CLSTN1: variants seen among roughly 807,000 people sequenced by gnomAD.
The protein encoded by CLSTN1 is calsyntenin-1.
Under a neutral mutation model 108.3 loss-of-function variants are expected in CLSTN1, and 28 were observed. That is an observed-to-expected ratio of 0.26 (90% CI 0.19 to 0.35). The LOEUF (loss-of-function observed/expected upper bound fraction) is 0.35, where lower values mean the gene tolerates loss of function less well. CLSTN1 is among the 10% of genes least tolerant of loss of function. CLSTN1 has a pLI of 1.00. For missense variants in CLSTN1, 1,157 were observed against 1,302.6 expected, an observed-to-expected ratio of 0.89 and a Z score of 1.72; for synonymous variants, 524 against 534.9, an observed-to-expected ratio of 0.98 and a Z score of 0.28.
At chr1:9,777,580 A>G (rs1653017735) in intron 1 of CLSTN1, among the ~76,000 whole-genome samples, 1 of 152,232 alleles carries the variant, frequency 6.6e-6, no homozygotes. Flanking sequence ...TCATTTAAAA[A>G]ACAAACACAT....
chr1:9,795,033 AG>A (rs1557718433), intron 1 of CLSTN1, among the ~76,000 whole-genome samples: 3 of 150,196 alleles, frequency 2.0e-5, no homozygotes, highest in Non-Finnish European at 2.9e-5. Flanking sequence ...AAAAAAAAAA[AG>A]AAAAAAAATC....
chr1:9,734,986 T>C lies in CLSTN1; in HGVS notation c.2072A>G (p.Glu691Gly). ...ELRIISTITR[E>G]VEPEGDGAED... is the part of the protein sequence containing the mutation. Reference sequence around the variant, plus strand: ...AGCCCCGTCCCCTTCAGGCTCCACTTCTCTCGTGATGGTGCTGATGATGCG... The same window carrying C: ...AGCCCCGTCCCCTTCAGGCTCCACTCCTCTCGTGATGGTGCTGATGATGCG... The change falls in exon 14 of 19, where the codon GAA (glutamate) becomes GGA (glycine). Residue 691 changes from glutamate (E) to glycine (G), a missense_variant. Physicochemically the swap from Glu to Gly is moderately conservative, Grantham distance 98. Transcript: ENST00000377298. This position sits in a 1 kb window ranked among gnomAD's most constrained non-coding sequence, Gnocchi z 4.8. The C allele has an allele frequency of 6.2e-7, 1 of 1,614,126 alleles. No homozygotes were observed. The highest frequency in any genetic ancestry group is 8.5e-7 in the Non-Finnish European group (1 of 1,180,016).
At chr1:9,747,654 G>A (rs1651345123) in intron 7 of CLSTN1, among the ~76,000 whole-genome samples, 1 of 151,812 alleles carries the variant, frequency 6.6e-6, no homozygotes, top group South Asian at 2.1e-4. Context: ...CTCGCACCAC[G>A]CCTGGCTAAT....
intron 1 of CLSTN1, among the ~76,000 whole-genome samples, chr1:9,797,807 T>C (rs1161816939): frequency 6.6e-6 from 1 of 151,918 alleles, no homozygotes; most frequent in African/African-American, 2.4e-5. Flanking sequence ...TGTTAAAATA[T>C]TGCAGCTACT....
chr1:9,730,440 T>G lies in CLSTN1; in HGVS notation c.*68A>C. ...AAATGACTTTGTACATCGTGGACCC[T>G]TGGGACTGGGAGAACGGATGGCAGC... is the stretch of plus-strand genomic sequence containing the variant. On this transcript the variant is annotated 3_prime_UTR_variant, in exon 19 of 19. Transcript: ENST00000377298. The surrounding 1 kb of genome is among the most constrained non-coding windows in gnomAD (Gnocchi z 5.6). The G allele has an allele frequency of 2.1e-6, 3 of 1,458,142 alleles. No homozygotes were observed. In the South Asian group the frequency reaches 3.4e-5, roughly 17 times the overall value. The allele number at this position is 1,458,142 out of a possible 1,614,324, so 90.3% of individuals were successfully genotyped here.
intron 2 of CLSTN1, among the ~76,000 whole-genome samples, chr1:9,758,240 G>A (rs1322895813): frequency 2.6e-5 from 4 of 152,136 alleles, no homozygotes; most frequent in African/African-American, 9.7e-5. Flanking sequence ...TGATCCGCCC[G>A]CCTCGGCCTC....
chr1:9,774,278 T>C (rs756399284), intron 1 of CLSTN1, among the ~76,000 whole-genome samples: 4 of 152,154 alleles, frequency 2.6e-5, no homozygotes, highest in South Asian at 2.1e-4. Context: ...TGTTTAAGAA[T>C]AATCCATCCG....
At chr1:9,736,319 C>G (rs754160805) in intron 11 of CLSTN1, among the ~76,000 whole-genome samples, 1 of 152,142 alleles carries the variant, frequency 6.6e-6, no homozygotes, top group South Asian at 2.1e-4. Flanking sequence ...CTGGCCACTA[C>G]CTGGTAAGGT....
chr1:9,785,499 A>C (rs1392083384), intron 1 of CLSTN1, among the ~76,000 whole-genome samples: 6 of 152,076 alleles, frequency 3.9e-5, no homozygotes, highest in Non-Finnish European at 8.8e-5. Context: ...ACAGCTGGAC[A>C]CTCTGGGCCA....
chr1:9,751,806 T>C, intron 4 of CLSTN1, 125 bp from the exon 5 acceptor site: 1 of 742,396 alleles, frequency 1.3e-6, no homozygotes, highest in Non-Finnish European at 2.2e-6. Context: ...TGATACCTTG[T>C]TTCATGAAAT....
intron 1 of CLSTN1, among the ~76,000 whole-genome samples, chr1:9,780,075 G>A (rs142407319): frequency 1.3e-5 from 2 of 151,258 alleles, no homozygotes; most frequent in Admixed American, 6.6e-5. Context: ...GGCTGGTCTC[G>A]AACTTCAGAC....
intron 1 of CLSTN1, among the ~76,000 whole-genome samples, chr1:9,820,584 T>C (rs1316395744): frequency 2.0e-5 from 3 of 152,144 alleles, no homozygotes; most frequent in Middle Eastern, 3.2e-3. Context: ...TTTCAGTATA[T>C]AGCATTTATC....
intron 1 of CLSTN1, among the ~76,000 whole-genome samples, chr1:9,821,050 T>C (rs1655171884): frequency 6.6e-6 from 1 of 152,224 alleles, no homozygotes; most frequent in Non-Finnish European, 1.5e-5. Flanking sequence ...ACTGTTCTAT[T>C]TCCCGATCTC....
chr1:9,761,469 T>C (rs964266211), intron 2 of CLSTN1, among the ~76,000 whole-genome samples: 1 of 152,160 alleles, frequency 6.6e-6, no homozygotes, highest in Non-Finnish European at 1.5e-5. Flanking sequence ...CTCCAGCCTC[T>C]GTACTCTGGG....
In CLSTN1 at chr1:9,733,337, C is replaced by G; in HGVS notation, c.2427+64G>C. Reference sequence around the variant, plus strand: ...AGGTTGGCGTTTGTGAATATTAGGGCTGCAAATCAGCGCCCTCACTCACTG... The same window carrying G: ...AGGTTGGCGTTTGTGAATATTAGGGGTGCAAATCAGCGCCCTCACTCACTG... On this transcript the variant is annotated intron_variant, in intron 16 of 18. Transcript: ENST00000377298. 3.1e-6 allele frequency: 5 copies of G among 1,591,840 alleles called. No individual in the cohort carries two copies. In the South Asian group the frequency reaches 5.5e-5, roughly 18 times the overall value.
chr1:9,786,273 T>C (rs1433081846), intron 1 of CLSTN1, among the ~76,000 whole-genome samples: 1 of 152,164 alleles, frequency 6.6e-6, no homozygotes, highest in African/African-American at 2.4e-5. Flanking sequence ...ACAGTGAAAC[T>C]TTCCCTGCAT....
intron 10 of CLSTN1, among the ~76,000 whole-genome samples, chr1:9,738,712 T>TG (rs1251417737): frequency 2.0e-5 from 3 of 152,206 alleles, no homozygotes; most frequent in African/African-American, 7.2e-5. Flanking sequence ...TGGAGTGCAG[T>TG]GGTGTGATCT....
intron 1 of CLSTN1, among the ~76,000 whole-genome samples, chr1:9,793,293 G>A (rs1177024604): frequency 2.6e-5 from 4 of 151,506 alleles, no homozygotes; most frequent in East Asian, 2.0e-4. Context: ...GATTACAGGC[G>A]TGAGCCACTG....
intron 2 of CLSTN1, among the ~76,000 whole-genome samples, chr1:9,771,815 A>G (rs1461991362): frequency 6.6e-6 from 1 of 152,154 alleles, no homozygotes; most frequent in Non-Finnish European, 1.5e-5. Context: ...TGTGCTGAAA[A>G]TGTGATGTGG....
Sources: allele counts gnomAD v4.1 joint callset (sites outside exome capture counted in the v4.1 genomes callset), GRCh38; gene constraint gnomAD v4.1.1; non-coding constraint Gnocchi (gnomAD v3.1); transcripts MANE v1.5; gene names NCBI Gene and HGNC (gene_info 2026-07-23, HGNC 2026-07-21).